The following DPY19L1 variants were observed in gnomAD, a reference collection of about 807,000 sequenced individuals.
DPY19L1 encodes dpy-19 like C-mannosyltransferase 1, also known as protein C-mannosyl-transferase DPY19L1.
DPY19L1 carries 35 observed loss-of-function variants against 96.9 expected under a neutral mutation model. The ratio of observed to expected loss-of-function variants is 0.36; its 90% CI spans 0.28 to 0.48. DPY19L1 has a LOEUF of 0.48. DPY19L1 is among the 20% of genes least tolerant of loss of function. The pLI, the probability that DPY19L1 is intolerant of heterozygous loss-of-function variation, is 0.99. For missense variants in DPY19L1, 521 were observed against 777.9 expected (o/e 0.67, Z 3.93); for synonymous variants, 205 against 252.6 (o/e 0.81, Z 1.79).
rs1785141656 is a variant in DPY19L1 at position 34,990,378 on chromosome 7, A to C, written c.765-437T>G. 2.6e-5 allele frequency among the ~76,000 whole-genome samples: 4 copies of C among 152,252 alleles called. No individual in the cohort carries two copies. In the South Asian group the frequency reaches 8.3e-4, roughly 32 times the overall value. ...CGTGCAAGGAAAGGGATCCATGGTC[A>C]TAAGGATGGAAAACCCCACACTGCC... is the stretch of plus-strand genomic sequence containing the variant. On this transcript the variant is annotated intron_variant, in intron 6 of 21. Transcript: ENST00000638088.
chr7:34,997,577 T>TCCAG (rs534238953), intron 6 of DPY19L1, among the ~76,000 whole-genome samples: 1,764 of 125,650 alleles, frequency 0.014, 20 homozygotes, highest in Admixed American at 0.021. Context: ...GCCACTGCAC[T>TCCAG]CCAGCCTGGG....
intron 21 of DPY19L1, among the ~76,000 whole-genome samples, chr7:34,937,004 T>C (rs1783882151): frequency 6.6e-6 from 1 of 152,240 alleles, no homozygotes; most frequent in Non-Finnish European, 1.5e-5. Context: ...TAAAATAGTG[T>C]TTATTTCTGA....
intron 3 of DPY19L1, 82 bp downstream of exon 3, chr7:35,017,800 T>C (rs2128679974): frequency 1.8e-6 from 2 of 1,116,960 alleles, no homozygotes; most frequent in Non-Finnish European, 2.5e-6. Context: ...CTTTGGAACA[T>C]CTTGAAATTT....
At chr7:35,001,227 G>A (rs528977200) in intron 6 of DPY19L1, among the ~76,000 whole-genome samples, 4 of 152,196 alleles carry the variant, frequency 2.6e-5, no homozygotes, top group Non-Finnish European at 5.9e-5. Context: ...TCTGCAGAAG[G>A]AAAGCTTCAG....
At chr7:34,966,043 T>G (rs1393815776) in intron 10 of DPY19L1, among the ~76,000 whole-genome samples, 2 of 152,150 alleles carry the variant, frequency 1.3e-5, no homozygotes, top group Admixed American at 6.6e-5. Context: ...TTTTGTATTT[T>G]TTTTTAATAG....
At chr7:35,028,688 C>T (rs1175912653) in intron 1 of DPY19L1, among the ~76,000 whole-genome samples, 1 of 152,132 alleles carries the variant, frequency 6.6e-6, no homozygotes, top group Non-Finnish European at 1.5e-5. Flanking sequence ...ATGGCTACTC[C>T]ATAGGTAGAA....
rs554761873 is a variant in DPY19L1, at chr7:34,952,129, C to CA, written c.1321-2232dup. Among the ~76,000 whole-genome samples, 1,132 of 131,142 alleles carry CA rather than the reference C, an allele frequency of 8.6e-3. 7 individuals carry two copies. Among genetic ancestry groups the CA allele is most frequent in the African/African-American group, 0.024 (844 of 35,828 alleles). The allele number at this position is 131,142 out of a possible 152,430, so 86.0% of individuals were successfully genotyped here. A position where few individuals can be genotyped will look rare whatever the true frequency, so the allele number is the denominator to read the frequency against. On this transcript the variant is annotated intron_variant, in intron 13 of 21. Transcript: ENST00000638088. ...GTAGGAAAAATAAAAAAAAAGACCA[C>CA]AAAAAAAAAACCCACAACAGCTCTT...
At chr7:34,984,789 T>C (rs1785013057) in intron 7 of DPY19L1, among the ~76,000 whole-genome samples, 1 of 150,590 alleles carries the variant, frequency 6.6e-6, no homozygotes, top group Admixed American at 6.7e-5. Context: ...AAATAGACCC[T>C]ATAATGACCT....
intron 7 of DPY19L1, among the ~76,000 whole-genome samples, chr7:34,988,848 T>C (rs914189941): frequency 6.6e-6 from 1 of 152,252 alleles, no homozygotes; most frequent in African/African-American, 2.4e-5. Flanking sequence ...GAATTTAAAC[T>C]AAGTTAATTA....
chr7:34,944,309 G>C (rs1167983801), intron 16 of DPY19L1, among the ~76,000 whole-genome samples: 4 of 141,830 alleles, frequency 2.8e-5, no homozygotes, highest in Middle Eastern at 8.0e-3. Flanking sequence ...GTTGCAGTGA[G>C]CCGAGATCGT....
chr7:34,999,024 A>C (rs1317754347), intron 6 of DPY19L1, among the ~76,000 whole-genome samples: 1 of 152,238 alleles, frequency 6.6e-6, no homozygotes, highest in East Asian at 1.9e-4. Flanking sequence ...ACTTTCAAGA[A>C]AACAGGAAAA....
chr7:35,024,760 T>C (rs778202040), intron 1 of DPY19L1, among the ~76,000 whole-genome samples: 1 of 152,236 alleles, frequency 6.6e-6, no homozygotes, highest in Non-Finnish European at 1.5e-5. Flanking sequence ...TTGTATTGCT[T>C]ATCCAGCTAT....
chr7:34,929,465 G>A lies in DPY19L1; in HGVS notation c.*2108C>T, dbSNP rs1291001589. 1.3e-5 allele frequency: 2 copies of A among 152,176 alleles called. No homozygotes were observed. Among genetic ancestry groups the A allele is most frequent in the Non-Finnish European group, 2.9e-5 (2 of 68,042 alleles). The allele number at this position is 152,176 out of a possible 1,614,324, so 9.4% of individuals were successfully genotyped here. On this transcript the variant is annotated 3_prime_UTR_variant, in exon 22 of 22. Transcript: ENST00000638088. ...CTTTTAATGGTTCCCAGCAAATGAA[G>A]CAGTTATAATAGTATTTTTAATGCT...
chr7:35,038,035 CT>C, upstream of DPY19L1: 1 of 643,702 alleles, frequency 1.6e-6, no homozygotes, highest in Non-Finnish European at 2.2e-6. Flanking sequence ...GGAGCGGCCA[CT>C]TAGGGGCGCT....
intron 13 of DPY19L1, among the ~76,000 whole-genome samples, chr7:34,952,730 T>A (rs1335375597): frequency 2.0e-5 from 3 of 152,132 alleles, no homozygotes; most frequent in Non-Finnish European, 4.4e-5. Context: ...AACACTCATA[T>A]ATCAAAAAAA....
chr7:34,945,079 G>A (rs1436684587), intron 16 of DPY19L1, among the ~76,000 whole-genome samples: 3 of 152,024 alleles, frequency 2.0e-5, no homozygotes, highest in South Asian at 2.1e-4. Context: ...AAAAATGATC[G>A]CTCCCTTCAG....
At chr7:34,953,567 T>A (rs1301786251) in intron 13 of DPY19L1, among the ~76,000 whole-genome samples, 3 of 152,162 alleles carry the variant, frequency 2.0e-5, no homozygotes, top group Non-Finnish European at 4.4e-5. Context: ...ACTCTGTACG[T>A]CATTTTTTAT....
chr7:34,955,972 AT>A (rs1784369919), intron 11 of DPY19L1, among the ~76,000 whole-genome samples: 1 of 151,040 alleles, frequency 6.6e-6, no homozygotes, highest in Non-Finnish European at 1.5e-5. Flanking sequence ...AAGTGAAATT[AT>A]AAATATATGC....
chr7:34,980,863 A>G (rs1467740925), intron 7 of DPY19L1, among the ~76,000 whole-genome samples: 1 of 152,236 alleles, frequency 6.6e-6, no homozygotes, highest in African/African-American at 2.4e-5. Context: ...AACTGGTACA[A>G]GCACTTTGGA....
Sources: gnomAD v4.1 joint callset for allele counts (sites outside exome capture counted in the v4.1 genomes callset) on GRCh38, gnomAD v4.1.1 for gene constraint, MANE v1.5 for transcripts, NCBI Gene and HGNC (gene_info 2026-07-23, HGNC 2026-07-21) for gene names.